ATF7: variants seen among roughly 807,000 people sequenced by gnomAD.
ATF7 encodes the protein activating transcription factor 7, also known as cyclic AMP-dependent transcription factor ATF-7.
Under a neutral mutation model 50.4 loss-of-function variants are expected in ATF7, and 10 were observed. The observed-to-expected ratio is 0.20, with a 90% CI of 0.12 to 0.34. The LOEUF (loss-of-function observed/expected upper bound fraction) is 0.34. Among genes scored for constraint, ATF7 ranks in the 10% least tolerant of loss-of-function variants. ATF7 has a pLI of 1.00. For synonymous variants in ATF7, 201 were observed against 226.4 expected (o/e 0.89, Z 1.01); for missense variants, 465 against 613.9 (o/e 0.76, Z 2.56).
intron 1 of ATF7, among the ~76,000 whole-genome samples, chr12:53,612,897 G>A (rs973606939): frequency 2.6e-5 from 4 of 152,012 alleles, no homozygotes; most frequent in Non-Finnish European, 5.9e-5. Context: ...CCTGCTACTC[G>A]GGAGGCTGAG....
At chr12:53,540,820 G>A (rs936587263) in intron 4 of ATF7, among the ~76,000 whole-genome samples, 1 of 152,108 alleles carries the variant, frequency 6.6e-6, no homozygotes, top group African/African-American at 2.4e-5. Flanking sequence ...TTCAATCATG[G>A]CTAACTGCAA....
At chr12:53,568,046 A>G (rs1399534419) in intron 2 of ATF7, among the ~76,000 whole-genome samples, 1 of 152,360 alleles carries the variant, frequency 6.6e-6, no homozygotes. Context: ...ACAAAGTTAC[A>G]GAGTGAAAAG....
At chr12:53,615,098 AAAG>A (rs1944062679) in intron 1 of ATF7, among the ~76,000 whole-genome samples, 1 of 151,682 alleles carries the variant, frequency 6.6e-6, no homozygotes, top group Admixed American at 6.6e-5. Flanking sequence ...AGAAAAAAAA[AAAG>A]AGCTGGGTGC....
intron 1 of ATF7, among the ~76,000 whole-genome samples, chr12:53,607,483 C>T (rs577960575): frequency 1.3e-5 from 2 of 152,130 alleles, no homozygotes; most frequent in South Asian, 4.2e-4. Context: ...ACCATTTTTG[C>T]ATTGAGCGTT....
In ATF7 at chr12:53,517,389, T is replaced by C. The variant is rs370894127; in HGVS notation, c.1235-35A>G. 3.0e-5 allele frequency: 47 copies of C among 1,580,690 alleles called. No individual in the cohort carries two copies. In the African/African-American group the frequency reaches 6.2e-4, roughly 21 times the overall value. ...AGGAGGGCAAAGAGCAGAGAGCAAT[T>C]GGTTAGAAAACAGAATGGGGAAAGA... is the stretch of plus-strand genomic sequence containing the variant. On this transcript the variant is annotated intron_variant, in intron 11 of 11. Transcript: ENST00000420353.
chr12:53,597,951 T>C (rs916821933), intron 2 of ATF7, among the ~76,000 whole-genome samples: 1 of 152,172 alleles, frequency 6.6e-6, no homozygotes, highest in Non-Finnish European at 1.5e-5. Flanking sequence ...TGGTCCTTAT[T>C]ACCCATCCTG....
At chr12:53,566,308 G>C (rs1271353199) in intron 2 of ATF7, among the ~76,000 whole-genome samples, 1 of 152,118 alleles carries the variant, frequency 6.6e-6, no homozygotes, top group Non-Finnish European at 1.5e-5. Flanking sequence ...AAAGGGAAGG[G>C]GCAATAGGTT....
intron 2 of ATF7, among the ~76,000 whole-genome samples, chr12:53,563,982 T>C (rs187103124): frequency 1.3e-5 from 2 of 152,360 alleles, no homozygotes; most frequent in Admixed American, 6.5e-5. Context: ...GCTAGAGTTA[T>C]ACTGCTGTTG....
At position 53,524,582 on chromosome 12, in the gene ATF7, A is replaced by G. The variant is rs1274390040; in HGVS notation, c.1107T>C (p.Ser369=). The part of the protein sequence containing the change: ...SLEKKAEELT[S]QNIQLSNEVT... ...CACTCACACTCAGCTGAATGTTCTG[A>G]GAAGTGAGTTCTTCGGCCTTCTTCT... Residue 369 remains serine, a synonymous_variant, in exon 10 of 12, where the codon TCT becomes TCC. Transcript: ENST00000420353. This position sits in a 1 kb window ranked among gnomAD's most constrained non-coding sequence, Gnocchi z 4.6. 1 of 1,613,830 alleles carries G rather than the reference A, an allele frequency of 6.2e-7. No individual in the cohort carries two copies. The highest frequency in any genetic ancestry group is 1.7e-5 in the Admixed American group (1 of 60,006).
At chr12:53,621,851 G>T (rs1310951388) in intron 1 of ATF7, among the ~76,000 whole-genome samples, 2 of 148,098 alleles carry the variant, frequency 1.4e-5, no homozygotes, top group Non-Finnish European at 3.0e-5. Flanking sequence ...TTTAAAAACA[G>T]AGGCATAGAG....
At position 53,555,124 on chromosome 12, in the gene ATF7, A is replaced by G. The variant is rs181869122; in HGVS notation, c.49-2487T>C. Among the ~76,000 whole-genome samples, 81 of 152,194 alleles carry G rather than the reference A, an allele frequency of 5.3e-4. No individual in the cohort carries two copies. The East Asian group carries it at 0.015, about 29-fold the overall frequency. On this transcript the variant is annotated intron_variant, in intron 2 of 11. Coordinates refer to ENST00000420353, the MANE Select transcript of ATF7 (RefSeq NM_006856.3). ...CACCTGAGGTCAGGAGTTCGAGACC[A>G]GACTGGCCAACATGATGAAACCCCA...
intron 1 of ATF7, among the ~76,000 whole-genome samples, chr12:53,611,186 C>A (rs1321267583): frequency 1.3e-5 from 2 of 152,034 alleles, no homozygotes; most frequent in Non-Finnish European, 2.9e-5. Context: ...AATTCATTAT[C>A]CAGGCTGGGT....
Position 53,531,805 on chromosome 12 carries a change from C to T in ATF7, c.866G>A (p.Arg289His), listed in dbSNP as rs199777559. The part of the protein sequence containing the change: ...VGTASTMVTA[R>H]PEQSQILIQH... ...GATGAGAATCTGGCTCTGCTCTGGG[C>T]GGGCTGTCACCATGGTGCTGGCAGT... Residue 289 changes from arginine (R) to histidine (H), a missense_variant, in exon 9 of 12, where the codon CGC (arginine) becomes CAC (histidine). Transcript: ENST00000420353. 3.2e-4 allele frequency: 516 copies of T among 1,612,612 alleles called. 7 individuals are homozygous for T. The highest frequency in any genetic ancestry group is 2.6e-3 in the South Asian group (234 of 90,676).
In ATF7 at chr12:53,599,220, T is replaced by G. The variant is rs566364412; in HGVS notation, c.48+1733A>C. ...GGCTAATTTTTAAATTTTTTTTTTT[T>G]GTAAAGACAGGGTCTCACTATATTG... On this transcript the variant is annotated intron_variant, in intron 2 of 11. Coordinates refer to ENST00000420353, the MANE Select transcript of ATF7 (RefSeq NM_006856.3). Among the ~76,000 whole-genome samples the G allele has an allele frequency of 3.3e-5, 5 of 151,966 alleles. No homozygotes were observed. The South Asian group carries it at 1.0e-3, about 32-fold the overall frequency.
At chr12:53,603,388 AAAAAAC>A (rs1207568786) in intron 1 of ATF7, among the ~76,000 whole-genome samples, 7 of 152,232 alleles carry the variant, frequency 4.6e-5, no homozygotes, top group African/African-American at 1.4e-4. Context: ...CTGAAAGAAA[AAAAAAC>A]AAAAACAAAA....
chr12:53,580,037 C>A (rs1366409470), intron 2 of ATF7, among the ~76,000 whole-genome samples: 2 of 151,898 alleles, frequency 1.3e-5, no homozygotes, highest in African/African-American at 4.8e-5. Context: ...TTCAAGCGAT[C>A]CTCCTGCCTC....
chr12:53,598,168 A>C (rs1291310665), intron 2 of ATF7, among the ~76,000 whole-genome samples: 2 of 152,218 alleles, frequency 1.3e-5, no homozygotes, highest in African/African-American at 4.8e-5. Context: ...TATTTCATAC[A>C]CATAAAGCAA....
chr12:53,509,969 C>T (rs891361605), downstream of ATF7, among the ~76,000 whole-genome samples: 2 of 152,040 alleles, frequency 1.3e-5, no homozygotes, highest in East Asian at 1.9e-4. Flanking sequence ...TAAACCTTTT[C>T]GTAAGCTTTG....
chr12:53,530,136 C>T (rs1045635339), intron 9 of ATF7, among the ~76,000 whole-genome samples: 14 of 152,208 alleles, frequency 9.2e-5, no homozygotes, highest in African/African-American at 2.9e-4. Flanking sequence ...TCAGGCAAGG[C>T]GGCTACTGCT....
Sources: allele counts gnomAD v4.1 joint callset (sites outside exome capture counted in the v4.1 genomes callset), GRCh38; gene constraint gnomAD v4.1.1; non-coding constraint Gnocchi (gnomAD v3.1); transcripts MANE v1.5; gene names NCBI Gene and HGNC (gene_info 2026-07-23, HGNC 2026-07-21).